MID1: variants seen among roughly 807,000 people sequenced by gnomAD.
MID1 encodes the protein E3 ubiquitin-protein ligase Midline-1.
MID1 carries 7 observed loss-of-function variants against 40.4 expected under a neutral mutation model. That is an observed-to-expected ratio of 0.17 (90% CI 0.10 to 0.33). The LOEUF (loss-of-function observed/expected upper bound fraction) is 0.33. MID1 is among the 10% of genes least tolerant of loss of function. MID1 has a pLI of 1.00. For synonymous variants in MID1, 229 were observed against 221.2 expected, an observed-to-expected ratio of 1.04 and a Z score of -0.31; for missense variants, 367 against 558.5, an observed-to-expected ratio of 0.66 and a Z score of 3.46.
At chrX:10,665,509 T>C (rs1438791840) in intron 1 of MID1, among the ~76,000 whole-genome samples, 1 of 108,888 alleles carries the variant, frequency 9.2e-6, no homozygotes, top group Non-Finnish European at 1.9e-5. Context: ...GACCTGTCAC[T>C]GCTAGACTCA....
intron 1 of MID1, among the ~76,000 whole-genome samples, chrX:10,811,815 G>T (rs1453401036): frequency 8.9e-6 from 1 of 111,815 alleles, no homozygotes; most frequent in African/African-American, 3.3e-5. Context: ...GTAGTGAAAT[G>T]AAGAAAATGT....
At chrX:10,713,987 G>A (rs188479469) in intron 1 of MID1, among the ~76,000 whole-genome samples, 53 of 111,584 alleles carry the variant, frequency 4.7e-4, no homozygotes, top group African/African-American at 1.6e-3. Flanking sequence ...CAGTATTTAC[G>A]TGCCCTATGA....
chrX:10,516,870 C>T (rs966899427), intron 3 of MID1, among the ~76,000 whole-genome samples: 2 of 110,462 alleles, frequency 1.8e-5, no homozygotes, highest in African/African-American at 6.6e-5. Context: ...CCTGCCTTGG[C>T]CGCCCAAAGT....
chrX:10,582,296 C>T (rs764439228), intron 1 of MID1, among the ~76,000 whole-genome samples: 27 of 111,468 alleles, frequency 2.4e-4, no homozygotes, highest in Non-Finnish European at 1.7e-4. Context: ...TCTCCCCTGG[C>T]GCGAGATACT....
intron 2 of MID1, among the ~76,000 whole-genome samples, chrX:10,542,276 C>CA (rs34951618): frequency 0.34 from 37,050 of 110,382 alleles, 4,855 homozygotes; most frequent in Non-Finnish European, 0.4. Flanking sequence ...TATGATTTTC[C>CA]AAAACAATTA....
Position 10,526,507 on chromosome X carries a change from T to C in MID1, c.661-3320A>G, listed in dbSNP as rs770249255. Among the ~76,000 whole-genome samples the C allele has an allele frequency of 4.5e-5, 5 of 111,696 alleles. No homozygotes were observed. The East Asian group carries it at 1.4e-3, about 31-fold the overall frequency. On this transcript the variant is annotated intron_variant, in intron 2 of 9. Transcript: ENST00000317552. The stretch of plus-strand genomic sequence containing the variant: ...ACTAGGGGATACTTTTCTTTTTGGC[T>C]GACCCTTCACAGCAGGAAATTTCTA...
At chrX:10,717,568 G>C in intron 1 of MID1, among the ~76,000 whole-genome samples, 1 of 109,875 alleles carries the variant, frequency 9.1e-6, no homozygotes, top group East Asian at 2.9e-4. Context: ...GACCTACAAA[G>C]AGACTTAGAC....
At chrX:10,648,014 T>C (rs1936279465) in intron 1 of MID1, among the ~76,000 whole-genome samples, 1 of 112,287 alleles carries the variant, frequency 8.9e-6, no homozygotes, top group Admixed American at 9.5e-5. Flanking sequence ...TTCTGACTTT[T>C]TAAAACCATC....
chrX:10,528,992 C>T (rs935617884), intron 2 of MID1, among the ~76,000 whole-genome samples: 15 of 111,593 alleles, frequency 1.3e-4, no homozygotes, highest in Non-Finnish European at 2.3e-4. Context: ...GCTCTGAGAC[C>T]TTCAACAAGT....
At chrX:10,678,440 C>G (rs1024503111) in intron 1 of MID1, among the ~76,000 whole-genome samples, 7 of 112,121 alleles carry the variant, frequency 6.2e-5, no homozygotes, top group Admixed American at 9.5e-5. Flanking sequence ...CTCTCACCAT[C>G]ACCTCTATCC....
intron 1 of MID1, among the ~76,000 whole-genome samples, chrX:10,806,895 T>A (rs758051768): frequency 9.0e-6 from 1 of 111,019 alleles, no homozygotes; most frequent in Admixed American, 9.6e-5. Context: ...GGGGAGGGAA[T>A]TATTTTCCTA....
At chrX:10,453,169 G>A (rs750386211) in intron 9 of MID1, among the ~76,000 whole-genome samples, 4 of 111,201 alleles carry the variant, frequency 3.6e-5, no homozygotes, top group African/African-American at 1.3e-4. Flanking sequence ...AGAATTATGA[G>A]GATAGCAACA....
At chrX:10,784,116 A>G (rs1291481151) in intron 1 of MID1, among the ~76,000 whole-genome samples, 1 of 112,051 alleles carries the variant, frequency 8.9e-6, no homozygotes, top group Non-Finnish European at 1.9e-5. Flanking sequence ...AAAATACATG[A>G]AAGTAACCAC....
chrX:10,728,516 G>T (rs1274750599), intron 1 of MID1, among the ~76,000 whole-genome samples: 1 of 112,306 alleles, frequency 8.9e-6, no homozygotes, highest in African/African-American at 3.2e-5. Context: ...AATAATGTTT[G>T]CTTCTATTAT....
intron 1 of MID1, among the ~76,000 whole-genome samples, chrX:10,594,944 A>T (rs1361599987): frequency 8.9e-6 from 1 of 112,174 alleles, no homozygotes; most frequent in Non-Finnish European, 1.9e-5. Context: ...CAATTTACAT[A>T]AGGCTTCCTT....
chrX:10,657,025 C>T (rs1404595660), intron 1 of MID1, among the ~76,000 whole-genome samples: 2 of 111,190 alleles, frequency 1.8e-5, no homozygotes, highest in African/African-American at 6.6e-5. Flanking sequence ...CTGGAGCCAG[C>T]TTTGCTTGCA....
intron 2 of MID1, among the ~76,000 whole-genome samples, chrX:10,543,361 G>C (rs1933549383): frequency 8.9e-6 from 1 of 111,982 alleles, no homozygotes; most frequent in Non-Finnish European, 1.9e-5. Flanking sequence ...ATAATAGTAG[G>C]AGTCATAATA....
chrX:10,533,391 A>G (rs1423812216), intron 2 of MID1, among the ~76,000 whole-genome samples: 114 of 55,037 alleles, frequency 2.1e-3, no homozygotes, highest in Non-Finnish European at 3.0e-3. Context: ...AGAAAGAAAG[A>G]AAAGAAAGAA....
At chrX:10,825,372 G>A (rs2044208183) in intron 1 of MID1, among the ~76,000 whole-genome samples, 2 of 111,949 alleles carry the variant, frequency 1.8e-5, no homozygotes, top group African/African-American at 3.2e-5. Flanking sequence ...CTTAATGGGA[G>A]AATATTTGGA....
Sources: gnomAD v4.1 joint callset for allele counts (sites outside exome capture counted in the v4.1 genomes callset) on GRCh38, gnomAD v4.1.1 for gene constraint, MANE v1.5 for transcripts, NCBI Gene and HGNC (gene_info 2026-07-23, HGNC 2026-07-21) for gene names.